ZDHHC11B: variants seen among roughly 807,000 people sequenced by gnomAD.
The protein encoded by ZDHHC11B is probable palmitoyltransferase ZDHHC11B.
In ZDHHC11B, 17 loss-of-function variants were observed where a neutral mutation model predicts 42.3. That is an observed-to-expected ratio of 0.40 (90% CI 0.27 to 0.60). ZDHHC11B has a LOEUF of 0.60. ZDHHC11B is among the 20% of genes least tolerant of loss of function. The probability of loss-of-function intolerance (pLI) is 0.41; values close to 1 mark genes in which losing one functional copy is unlikely to be tolerated. For synonymous variants in ZDHHC11B, 123 were observed against 193.5 expected (o/e 0.64, Z 3.02); for missense variants, 262 against 463.2 (o/e 0.57, Z 3.99).
At chr5:751,448 GACAC>G (rs1745697066) in intron 6 of ZDHHC11B, among the ~76,000 whole-genome samples, 191 bp from the exon 7 acceptor site, 1 of 28,166 alleles carries the variant, frequency 3.6e-5, no homozygotes, top group African/African-American at 9.2e-5. Context: ...CAGGGGCAGG[GACAC>G]GCAGGGCATC....
intron 6 of ZDHHC11B, among the ~76,000 whole-genome samples, chr5:754,061 CA>C (rs67217487): frequency 0.016 from 423 of 25,944 alleles, 10 homozygotes; most frequent in African/African-American, 0.097. Context: ...TCAGGGGAAA[CA>C]ACCTCTCGTT....
At chr5:778,109 G>A (rs544221850) in intron 1 of ZDHHC11B, among the ~76,000 whole-genome samples, 1 of 152,050 alleles carries the variant, frequency 6.6e-6, no homozygotes, top group South Asian at 2.1e-4. Flanking sequence ...CGCTGCGGCG[G>A]AGACTGATAC....
chr5:783,756 AAAT>A (rs1737036510), intron 1 of ZDHHC11B, among the ~76,000 whole-genome samples: 6 of 75,640 alleles, frequency 7.9e-5, no homozygotes, highest in East Asian at 6.1e-4. Context: ...AGCAGCCCCC[AAAT>A]ACCCATCAAA....
At chr5:774,149 G>A (rs1164544618) in intron 1 of ZDHHC11B, among the ~76,000 whole-genome samples, 2 of 152,058 alleles carry the variant, frequency 1.3e-5, no homozygotes, top group African/African-American at 4.8e-5. Context: ...GGCTGTTCCT[G>A]TTCCCAAGAG....
In ZDHHC11B at chr5:766,777, A is replaced by T. The variant is rs1735459243; in HGVS notation, c.143T>A (p.Val48Asp). The change falls in exon 4 of 14, where the codon GTC becomes GAC. Residue 48 changes from valine to aspartate, a missense_variant. Physicochemically the swap from Val to Asp is radical, Grantham distance 152. Around this residue, in one of 5 missense-constraint regions of ZDHHC11B, gnomAD observed 97 missense variants for 98.1 expected, o/e 0.99. Transcript: ENST00000508859. Reference protein sequence around the residue: ...LHYFRVVTWAVFVGLSLATFR... With the variant: ...LHYFRVVTWADFVGLSLATFR... Reference sequence around the variant, plus strand: ...GGTGGCCAAGGAAAGGCCAACGAAGACAGCCCAAGTCACCACCCGGAAGTA... The same window carrying T: ...GGTGGCCAAGGAAAGGCCAACGAAGTCAGCCCAAGTCACCACCCGGAAGTA... The T allele has an allele frequency of 6.2e-7, 1 of 1,612,642 alleles. No individual in the cohort carries two copies. The highest frequency in any genetic ancestry group is 8.5e-7 in the Non-Finnish European group (1 of 1,179,238).
At chr5:758,778 A>C (rs1734189890) in intron 4 of ZDHHC11B, among the ~76,000 whole-genome samples, 1 of 151,872 alleles carries the variant, frequency 6.6e-6, no homozygotes, top group African/African-American at 2.4e-5. Flanking sequence ...TTCACCGCAC[A>C]CTAGGGTGCC....
At chr5:745,389 A>G in intron 8 of ZDHHC11B, 91 bp from the exon 9 acceptor site, 2 of 1,157,080 alleles carry the variant, frequency 1.7e-6, no homozygotes, top group East Asian at 5.0e-5. Flanking sequence ...GGCCAGTGCC[A>G]CTGATCCGGC....
rs58625523 is a variant in ZDHHC11B at position 716,017 on chromosome 5, G to A, written c.*7+784C>T. 4.7e-3 allele frequency among the ~76,000 whole-genome samples: 707 copies of A among 150,510 alleles called. 8 individuals carry two copies. The highest frequency in any genetic ancestry group is 0.016 in the African/African-American group (671 of 40,710). ...TTCCTGTCCAGCTAGCTTTTGGGAGGTGCCTCTCTGAAGCATTGTGAGAAG... is the reference window on the plus strand; with the variant it reads ...TTCCTGTCCAGCTAGCTTTTGGGAGATGCCTCTCTGAAGCATTGTGAGAAG... On this transcript the variant is annotated intron_variant, in intron 13 of 13. Transcript: ENST00000508859.
chr5:721,727 G>A (rs1186228067), intron 12 of ZDHHC11B, among the ~76,000 whole-genome samples: 1 of 151,756 alleles, frequency 6.6e-6, no homozygotes, highest in Non-Finnish European at 1.5e-5. Context: ...GAGAATTGGG[G>A]AAGGCACTGG....
chr5:777,781 C>A (rs1053977573), intron 1 of ZDHHC11B, among the ~76,000 whole-genome samples: 1 of 152,090 alleles, frequency 6.6e-6, no homozygotes, highest in East Asian at 1.9e-4. Context: ...GGATCCTGAG[C>A]CCCGCAGCAG....
chr5:745,818 G>T (rs1194738964), intron 8 of ZDHHC11B, among the ~76,000 whole-genome samples: 2 of 149,866 alleles, frequency 1.3e-5, no homozygotes, highest in Non-Finnish European at 3.0e-5. Flanking sequence ...ACGCAGTGGG[G>T]CGACCACCCC....
intron 6 of ZDHHC11B, among the ~76,000 whole-genome samples, chr5:754,229 TA>T (rs1561163079): frequency 8.9e-6 from 1 of 112,804 alleles, no homozygotes; most frequent in Non-Finnish European, 1.9e-5. Flanking sequence ...ACGTCTCATC[TA>T]TGAGCCTCCA....
chr5:752,498 T>A (rs448462), intron 6 of ZDHHC11B, among the ~76,000 whole-genome samples: 12,504 of 60,396 alleles, frequency 0.21, 2,118 homozygotes, highest in East Asian at 0.52. Context: ...ATATTTTTTT[T>A]AAAGTATCCT....
chr5:720,396 T>C (rs1248804491), intron 12 of ZDHHC11B, among the ~76,000 whole-genome samples: 1 of 151,768 alleles, frequency 6.6e-6, no homozygotes, highest in Middle Eastern at 3.2e-3. Context: ...AGGTGGAAAA[T>C]ACCTGGCAAC....
At chr5:762,453 G>T (rs1245922441) in intron 4 of ZDHHC11B, among the ~76,000 whole-genome samples, 1 of 151,860 alleles carries the variant, frequency 6.6e-6, no homozygotes, top group African/African-American at 2.4e-5. Context: ...GAGACCAGCT[G>T]GACCCAGCCC....
intron 10 of ZDHHC11B, among the ~76,000 whole-genome samples, chr5:737,660 A>C (rs1371077141): frequency 6.7e-6 from 1 of 149,804 alleles, no homozygotes; most frequent in Non-Finnish European, 1.5e-5. Flanking sequence ...ATGCAAGTCA[A>C]TAAATGTGAT....
intron 1 of ZDHHC11B, among the ~76,000 whole-genome samples, chr5:771,320 C>T (rs1736014711): frequency 2.0e-5 from 3 of 151,774 alleles, no homozygotes; most frequent in Non-Finnish European, 4.4e-5. Context: ...AGGGGCACTC[C>T]CTACACTGAA....
At chr5:779,438 CA>C (rs1736801414) in intron 1 of ZDHHC11B, among the ~76,000 whole-genome samples, 1 of 149,680 alleles carries the variant, frequency 6.7e-6, no homozygotes, top group Non-Finnish European at 1.5e-5. Context: ...TGAGAGACCA[CA>C]GGGGGCTCCA....
chr5:733,710 C>T lies in ZDHHC11B; in HGVS notation c.1023+42G>A, dbSNP rs532204586. Reference sequence around the variant, plus strand: ...GACCCGAGACCACATATTCTGCACACGGCCCTGTCCTCAGGGTGCATTGCT... The same window carrying T: ...GACCCGAGACCACATATTCTGCACATGGCCCTGTCCTCAGGGTGCATTGCT... On this transcript the variant is annotated intron_variant, in intron 11 of 13. Transcript: ENST00000508859. 3.3e-4 allele frequency: 515 copies of T among 1,557,632 alleles called. 8 individuals are homozygous for T. Among genetic ancestry groups the T allele is most frequent in the African/African-American group, 2.8e-3 (203 of 73,470 alleles).
Sources: allele counts gnomAD v4.1 joint callset (sites outside exome capture counted in the v4.1 genomes callset), GRCh38; gene constraint gnomAD v4.1.1; regional missense constraint gnomAD v4.1.1; transcripts MANE v1.5; gene names NCBI Gene and HGNC (gene_info 2026-07-23, HGNC 2026-07-21).